The following ZNF546 variants were observed in gnomAD, a reference collection of about 807,000 sequenced individuals.
ZNF546 encodes CTC-471F3.6.
ZNF546 carries 60 observed loss-of-function variants against 76.2 expected under a neutral mutation model. The observed-to-expected ratio is 0.79, with a 90% CI of 0.64 to 0.98. The LOEUF is 0.98. Ranked by LOEUF, ZNF546 falls within the 50% of genes least tolerant of loss-of-function variation. The probability of loss-of-function intolerance (pLI) is 0.00; values close to 1 mark genes in which losing one functional copy is unlikely to be tolerated. For synonymous variants in ZNF546, 277 were observed against 328.1 expected (o/e 0.84, Z 1.68); for missense variants, 936 against 1,035.6 (o/e 0.90, Z 1.32).
chr19:39,998,897 C>A (rs906983520), intron 3 of ZNF546, among the ~76,000 whole-genome samples: 10 of 152,108 alleles, frequency 6.6e-5, no homozygotes, highest in Non-Finnish European at 1.3e-4. Flanking sequence ...CTCAGCCTCC[C>A]AGGTAGCTGG....
intron 3 of ZNF546, 93 bp from the exon 4 acceptor site, chr19:40,006,003 A>C (rs1160038186): frequency 9.3e-7 from 1 of 1,080,048 alleles, no homozygotes; most frequent in Non-Finnish European, 1.4e-6. Flanking sequence ...GGTTGGAAGT[A>C]GAAATGATGG....
Position 40,008,565 on chromosome 19 carries a change from G to A in ZNF546, c.394G>A (p.Asp132Asn), listed in dbSNP as rs201358063. The change falls in exon 6 of 7, where the codon GAT (aspartate) becomes AAT (asparagine). Residue 132 changes from aspartate to asparagine, a missense_variant and splice_region_variant. Coordinates refer to ENST00000347077, the MANE Select transcript of ZNF546 (RefSeq NM_178544.5). Reference protein sequence around the residue: ...MREGTRNWFTDLEYKYITKNL... With the variant: ...MREGTRNWFTNLEYKYITKNL... ...GGAAGGGACAAGGAATTGGTTCACA[G>A]GTGAGTGACAGCAAATTAGGCGGGA... is the stretch of plus-strand genomic sequence containing the variant. The A allele has an allele frequency of 1.7e-5, 28 of 1,611,506 alleles. No individual in the cohort carries two copies. The highest frequency in any genetic ancestry group is 2.3e-5 in the Non-Finnish European group (27 of 1,178,252).
chr19:39,998,154 A>G (rs1447206803), intron 2 of ZNF546, 94 bp from the exon 3 acceptor site: 2 of 579,652 alleles, frequency 3.5e-6, no homozygotes, highest in Non-Finnish European at 3.1e-6. Flanking sequence ...TTCAATCTAA[A>G]AAGACTAAAT....
At position 40,013,750 on chromosome 19, in the gene ZNF546, A is replaced by C. The variant is rs749173654; in HGVS notation, c.480A>C (p.Glu160Asp). Reference sequence around the variant, plus strand: ...ATTTATCTCAATTGCAGACAGGGGAAAAAAGTAAAAACACCATCCATGAGG... The same window carrying C: ...ATTTATCTCAATTGCAGACAGGGGACAAAAGTAAAAACACCATCCATGAGG... ...KIYLSQLQTG[E>D]KSKNTIHEDT... Residue 160 changes from glutamate to aspartate, a missense_variant, in exon 7 of 7, where the codon GAA becomes GAC. Glu to Asp is a conservative substitution (Grantham distance 45). Coordinates refer to ENST00000347077, the MANE Select transcript of ZNF546 (RefSeq NM_178544.5). 6 of 1,612,916 alleles carry C rather than the reference A, an allele frequency of 3.7e-6. No homozygotes were observed. Among genetic ancestry groups the C allele is most frequent in the Non-Finnish European group, 5.1e-6 (6 of 1,179,694 alleles).
chr19:40,010,833 C>A (rs1381195103), intron 6 of ZNF546, among the ~76,000 whole-genome samples: 2 of 152,066 alleles, frequency 1.3e-5, no homozygotes, highest in African/African-American at 2.4e-5. Flanking sequence ...CAGGCATGTG[C>A]CACCATGCCC....
rs1971759912 is a variant in ZNF546, at chr19:40,015,902, A to G, written c.*121A>G. 1 of 898,102 alleles carries G rather than the reference A, an allele frequency of 1.1e-6. No homozygotes were observed. The highest frequency in any genetic ancestry group is 1.8e-6 in the Non-Finnish European group (1 of 568,452). 55.6% of individuals were successfully genotyped at this position (898,102 alleles called of 1,614,324 possible). Reference sequence around the variant, plus strand: ...ACTTCATGCTCACAATTTATCAGAAATTATTTCGTATGTTAAAGAGTCGAA... The same window carrying G: ...ACTTCATGCTCACAATTTATCAGAAGTTATTTCGTATGTTAAAGAGTCGAA... On this transcript the variant is annotated 3_prime_UTR_variant, in exon 7 of 7. Transcript: ENST00000347077.
At position 40,006,154 on chromosome 19, in the gene ZNF546, G is replaced by A; in HGVS notation, c.143G>A (p.Ser48Asn). The change falls in exon 4 of 7, where the codon AGT (serine) becomes AAT (asparagine). Residue 48 changes from serine to asparagine, a missense_variant. Ser to Asn is a conservative substitution (Grantham distance 46, BLOSUM62 1). Transcript: ENST00000347077. ...SMEETQGELT[S>N]SCGSKTMANV... Reference sequence around the variant, plus strand: ...GAGGAAACTCAAGGAGAACTGACAAGTTCTTGTGGTTCTAAAACCATGGCC... The same window carrying A: ...GAGGAAACTCAAGGAGAACTGACAAATTCTTGTGGTTCTAAAACCATGGCC... 2 of 1,613,730 alleles carry A rather than the reference G, an allele frequency of 1.2e-6. No homozygotes were observed. The highest frequency in any genetic ancestry group is 8.5e-7 in the Non-Finnish European group (1 of 1,179,872).
At chr19:40,003,078 C>G (rs1053992224) in intron 3 of ZNF546, among the ~76,000 whole-genome samples, 18 of 144,152 alleles carry the variant, frequency 1.2e-4, no homozygotes, top group Non-Finnish European at 2.2e-4. Context: ...CTCTGTCGCC[C>G]AGGCTGGAGT....
At chr19:39,998,158 A>G in intron 2 of ZNF546, 90 bp from the exon 3 acceptor site, 2 of 580,118 alleles carry the variant, frequency 3.4e-6, no homozygotes, top group Non-Finnish European at 6.2e-6. Context: ...ATCTAAAAAG[A>G]CTAAATTATT....
intron 6 of ZNF546, among the ~76,000 whole-genome samples, chr19:40,010,616 T>C (rs551194309): frequency 6.6e-6 from 1 of 152,306 alleles, no homozygotes; most frequent in Non-Finnish European, 1.5e-5. Flanking sequence ...TTTTTATTCT[T>C]AATTTATCAT....
rs1971707724 is a variant in ZNF546, at chr19:40,013,921, T to C, written c.651T>C (p.Tyr217=). ...HPKIHAREKS[Y]ECKECRKAFR... is the part of the protein sequence containing the mutation. ...AAATTCATGCTAGAGAGAAATCATA[T>C]GAATGTAAGGAATGTAGAAAGGCCT... The change falls in exon 7 of 7, where the codon TAT becomes TAC. Residue 217 remains tyrosine, a synonymous_variant. Transcript: ENST00000347077. 6.2e-7 allele frequency: 1 copy of C among 1,608,576 alleles called. No individual in the cohort carries two copies. The highest frequency in any genetic ancestry group is 8.5e-7 in the Non-Finnish European group (1 of 1,177,538).
chr19:39,998,241 T>C lies in ZNF546; in HGVS notation c.-79-7T>C, dbSNP rs1004602360. 6 of 1,059,278 alleles carry C rather than the reference T, an allele frequency of 5.7e-6. No homozygotes were observed. In the Admixed American group the frequency reaches 1.0e-4, roughly 19 times the overall value. The allele number at this position is 1,059,278 out of a possible 1,614,324, so 65.6% of individuals were successfully genotyped here. A position where few individuals can be genotyped will look rare whatever the true frequency, so the allele number is the denominator to read the frequency against. On this transcript the variant is annotated splice_polypyrimidine_tract_variant and splice_region_variant and intron_variant, in intron 2 of 6. Transcript: ENST00000347077. ...TAAATAAATGCATAAAATGTTTTTG[T>C]TTTTAGGAAATGGAAACATTGCTTT...
At chr19:40,005,955 T>G in intron 3 of ZNF546, 141 bp from the exon 4 acceptor site, 2 of 738,986 alleles carry the variant, frequency 2.7e-6, no homozygotes, top group African/African-American at 1.8e-5. Context: ...GCCTTGATAT[T>G]GAGATATCTT....
In ZNF546 at chr19:40,014,975, A is replaced by G; in HGVS notation, c.1705A>G (p.Ile569Val). 1 of 1,614,102 alleles carries G rather than the reference A, an allele frequency of 6.2e-7. No individual in the cohort carries two copies. Among genetic ancestry groups the G allele is most frequent in the Non-Finnish European group, 8.5e-7 (1 of 1,179,974 alleles). Residue 569 changes from isoleucine (I) to valine (V), a missense_variant, in exon 7 of 7, where the codon ATT (isoleucine) becomes GTT (valine). By Grantham distance (29) the Ile-to-Val change is conservative. Coordinates refer to ENST00000347077, the MANE Select transcript of ZNF546 (RefSeq NM_178544.5). ...GGCTTTTATTCATAGCAATCAATTT[A>G]TTTCACACCAGCGAATTCACACCAG... is the stretch of plus-strand genomic sequence containing the variant. ...GKAFIHSNQF[I>V]SHQRIHTSES... is the part of the protein sequence containing the mutation.
chr19:39,997,353 G>A, intron 1 of ZNF546, 196 bp downstream of exon 1: 1 of 153,106 alleles, frequency 6.5e-6, no homozygotes, highest in Non-Finnish European at 1.5e-5. Context: ...GCGACGGGGC[G>A]CCTGTCAGGA....
intron 5 of ZNF546, among the ~76,000 whole-genome samples, chr19:40,007,948 G>A (rs929206388): frequency 2.0e-5 from 3 of 152,084 alleles, no homozygotes; most frequent in African/African-American, 7.2e-5. Flanking sequence ...GGAAGAACCT[G>A]GAAATATTTT....
Position 40,017,966 on chromosome 19 carries a change from C to CA in ZNF546, c.*2185_*2186insA, listed in dbSNP as rs1971797089. ...CCCCACAACTTTATTGCAACATTGA[C>CA]TTTTTTTTTTTTTTTTTTTTTTTTT... On this transcript the variant is annotated 3_prime_UTR_variant, in exon 7 of 7. Coordinates refer to ENST00000347077, the MANE Select transcript of ZNF546 (RefSeq NM_178544.5). The CA allele has an allele frequency of 1.6e-5, 1 of 63,076 alleles. No individual in the cohort carries two copies. The highest frequency in any genetic ancestry group is 4.1e-4 in the East Asian group (1 of 2,420). The allele number at this position is 63,076 out of a possible 1,614,324, so 3.9% of individuals were successfully genotyped here. A position where few individuals can be genotyped will look rare whatever the true frequency, so the allele number is the denominator to read the frequency against.
chr19:40,011,921 T>C lies in ZNF546; in HGVS notation c.395-1744T>C, dbSNP rs150038726. 9.2e-5 allele frequency among the ~76,000 whole-genome samples: 14 copies of C among 152,324 alleles called. No individual in the cohort carries two copies. The East Asian group carries it at 2.5e-3, about 27-fold the overall frequency. The stretch of plus-strand genomic sequence containing the variant: ...GGATTTAGGGCCCACCCTTTTTCCA[T>C]ATTAGGTCACATTCACAGGCACTGG... On this transcript the variant is annotated intron_variant, in intron 6 of 6. Coordinates refer to ENST00000347077, the MANE Select transcript of ZNF546 (RefSeq NM_178544.5).
chr19:40,001,828 TTTTA>T (rs1464105523), intron 3 of ZNF546, among the ~76,000 whole-genome samples: 1 of 152,238 alleles, frequency 6.6e-6, no homozygotes, highest in Admixed American at 6.5e-5. Flanking sequence ...TATAAAATGA[TTTTA>T]TTTAATAGCA....
Sources: gnomAD v4.1 joint callset for allele counts (sites outside exome capture counted in the v4.1 genomes callset) on GRCh38, gnomAD v4.1.1 for gene constraint, MANE v1.5 for transcripts, NCBI Gene and HGNC (gene_info 2026-07-23, HGNC 2026-07-21) for gene names.